Variants in LOXL2 observed in about 807,000 individuals in gnomAD.
The protein encoded by LOXL2 is lysyl oxidase homolog 2.
Under a neutral mutation model 93.0 loss-of-function variants are expected in LOXL2, and 70 were observed. The ratio of observed to expected loss-of-function variants is 0.75; its 90% CI spans 0.62 to 0.92. LOXL2 has a LOEUF of 0.92. LOXL2 is among the 40% of genes least tolerant of loss of function. The pLI is 0.00. For synonymous variants in LOXL2, 438 were observed against 413.2 expected (o/e 1.06, Z -0.73); for missense variants, 973 against 1,054.9 (o/e 0.92, Z 1.08).
intron 10 of LOXL2, among the ~76,000 whole-genome samples, chr8:23,303,877 A>T (rs1285998246): frequency 6.6e-6 from 1 of 152,264 alleles, no homozygotes; most frequent in Non-Finnish European, 1.5e-5. Flanking sequence ...AAGCATGATT[A>T]AGGGGGAGCA....
chr8:23,342,526 G>C (rs566223305), intron 3 of LOXL2, among the ~76,000 whole-genome samples: 1 of 151,624 alleles, frequency 6.6e-6, no homozygotes, highest in Admixed American at 6.6e-5. Context: ...CCGCCTCCCG[G>C]GTTCACGCCA....
In LOXL2 at chr8:23,368,197, T is replaced by G. The variant is rs368172373; in HGVS notation, c.155A>C (p.Asn52Thr). Residue 52 changes from asparagine to threonine, a missense_variant, in exon 2 of 14, where the codon AAC (asparagine) becomes ACC (threonine). Physicochemically the swap from Asn to Thr is moderately conservative, Grantham distance 65. Transcript: ENST00000389131. ...CAGGCGCAGCTGAATCTTGGCCACG[T>G]TGGCGGGGGCCTGGGGCTGGTGATA... ...PEYHQPQAPA[N>T]VAKIQLRLAG... The G allele has an allele frequency of 1.1e-5, 17 of 1,614,068 alleles. No homozygotes were observed. The highest frequency in any genetic ancestry group is 1.4e-5 in the Non-Finnish European group (17 of 1,180,036).
At chr8:23,390,733 C>A (rs1414707441) in intron 1 of LOXL2, among the ~76,000 whole-genome samples, 1 of 152,186 alleles carries the variant, frequency 6.6e-6, no homozygotes, top group Non-Finnish European at 1.5e-5. Flanking sequence ...CTCTTCTCTG[C>A]AGCTCATAAA....
intron 1 of LOXL2, among the ~76,000 whole-genome samples, chr8:23,385,595 T>C (rs1804748069): frequency 6.6e-6 from 1 of 152,076 alleles, no homozygotes; most frequent in South Asian, 2.1e-4. Context: ...AGAACTTATA[T>C]TTATTAATCA....
chr8:23,368,195 C>A lies in LOXL2; in HGVS notation c.157G>T (p.Val53Leu), dbSNP rs138503568. 2.0e-3 allele frequency: 3,282 copies of A among 1,614,024 alleles called. 28 individuals are homozygous for A. Among genetic ancestry groups the A allele is most frequent in the South Asian group, 0.012 (1,118 of 91,082 alleles). Residue 53 changes from valine to leucine, a missense_variant, in exon 2 of 14, where the codon GTG (valine) becomes TTG (leucine). Val to Leu is a conservative substitution (Grantham distance 32). Coordinates refer to ENST00000389131, the MANE Select transcript of LOXL2 (RefSeq NM_002318.3). Reference sequence around the variant, plus strand: ...GCCAGGCGCAGCTGAATCTTGGCCACGTTGGCGGGGGCCTGGGGCTGGTGA... The same window carrying A: ...GCCAGGCGCAGCTGAATCTTGGCCAAGTTGGCGGGGGCCTGGGGCTGGTGA... ...EYHQPQAPANVAKIQLRLAGQ... is the reference protein window; with the variant it reads ...EYHQPQAPANLAKIQLRLAGQ...
At chr8:23,345,806 C>T (rs556279276) in intron 3 of LOXL2, among the ~76,000 whole-genome samples, 11 of 152,060 alleles carry the variant, frequency 7.2e-5, no homozygotes, top group Non-Finnish European at 1.6e-4. Flanking sequence ...CAGTGGCTCA[C>T]GCCTGTAATC....
intron 1 of LOXL2, among the ~76,000 whole-genome samples, chr8:23,374,664 T>C (rs559757595): frequency 6.6e-6 from 1 of 152,372 alleles, no homozygotes; most frequent in Non-Finnish European, 1.5e-5. Flanking sequence ...AGATGGTATC[T>C]CATTGTGGTT....
At chr8:23,394,905 AT>A (rs1488886404) in intron 1 of LOXL2, among the ~76,000 whole-genome samples, 1 of 152,230 alleles carries the variant, frequency 6.6e-6, no homozygotes, top group Non-Finnish European at 1.5e-5. Context: ...CGGTATGCCC[AT>A]ACAATAGAAT....
chr8:23,302,030 G>C lies in LOXL2; in HGVS notation c.2130C>G (p.Phe710Leu). ...AACCCCTTCCCACCCACCTCACCTG[G>C]AACAGGTAGTCTCCAGGGGGCACGT... ...ITDVPPGDYL[F>L]QVVINPNFEV... Residue 710 changes from phenylalanine (F) to leucine (L), a missense_variant, in exon 12 of 14, where the codon TTC (phenylalanine) becomes TTG (leucine). Physicochemically the swap from Phe to Leu is conservative, Grantham distance 22 (BLOSUM62 0). Transcript: ENST00000389131. 1 of 1,614,078 alleles carries C rather than the reference G, an allele frequency of 6.2e-7. No homozygotes were observed. Among genetic ancestry groups the C allele is most frequent in the South Asian group, 1.1e-5 (1 of 91,076 alleles).
intron 3 of LOXL2, among the ~76,000 whole-genome samples, chr8:23,356,535 T>A (rs1033765617): frequency 2.0e-5 from 3 of 152,180 alleles, no homozygotes; most frequent in African/African-American, 7.2e-5. Context: ...GATGCAAGAA[T>A]CTTCTGGCAA....
Position 23,320,015 on chromosome 8 carries a change from C to A in LOXL2, c.1340G>T (p.Arg447Leu). The change falls in exon 8 of 14, where the codon CGA (arginine) becomes CTA (leucine). Residue 447 changes from arginine (R) to leucine (L), a missense_variant. Transcript: ENST00000389131. ...LNGGRNPYEG[R>L]VEVLVERNGS... ...GTTTCTCTCCACCAGCACCTCCACT[C>A]GGCCCTCGTAGGGATTGCGGCCGCC... The A allele has an allele frequency of 6.2e-7, 1 of 1,614,110 alleles. No homozygotes were observed. Among genetic ancestry groups the A allele is most frequent in the East Asian group, 2.2e-5 (1 of 44,878 alleles).
intron 10 of LOXL2, among the ~76,000 whole-genome samples, chr8:23,307,502 A>G (rs886802435): frequency 2.0e-5 from 3 of 152,196 alleles, no homozygotes; most frequent in African/African-American, 7.2e-5. Flanking sequence ...GGGTCTCCAG[A>G]TCAGAAGAAC....
chr8:23,372,365 G>A (rs1804510140), intron 1 of LOXL2, among the ~76,000 whole-genome samples: 1 of 151,988 alleles, frequency 6.6e-6, no homozygotes, highest in African/African-American at 2.4e-5. Context: ...TTCCAGGCAT[G>A]TACCACCACG....
At chr8:23,349,460 A>C (rs930702869) in intron 3 of LOXL2, among the ~76,000 whole-genome samples, 4 of 151,954 alleles carry the variant, frequency 2.6e-5, no homozygotes, top group African/African-American at 9.7e-5. Context: ...GCTGTGTGAG[A>C]CCCTAAAAGG....
chr8:23,366,777 C>T (rs1258747733), intron 2 of LOXL2, among the ~76,000 whole-genome samples: 1 of 152,206 alleles, frequency 6.6e-6, no homozygotes, highest in African/African-American at 2.4e-5. Context: ...CTTTGCCTGG[C>T]TGACCCAGAG....
intron 7 of LOXL2, among the ~76,000 whole-genome samples, chr8:23,320,479 G>C (rs548526926): frequency 1.4e-4 from 21 of 152,308 alleles, no homozygotes; most frequent in Non-Finnish European, 2.6e-4. Context: ...TGGCTCTCCT[G>C]CTGGTCTGAG....
intron 3 of LOXL2, among the ~76,000 whole-genome samples, chr8:23,346,902 C>T (rs942916088): frequency 3.9e-5 from 6 of 152,192 alleles, no homozygotes; most frequent in African/African-American, 7.2e-5. Flanking sequence ...AACATCTCAA[C>T]GAGAATGCAT....
intron 12 of LOXL2, 54 bp from the exon 13 acceptor site, chr8:23,299,001 C>CCCAG (rs1420641840): frequency 7.4e-6 from 8 of 1,075,304 alleles, no homozygotes; most frequent in Non-Finnish European, 1.2e-5. Flanking sequence ...GCCACCTCCA[C>CCCAG]CCAGGCCTGG....
chr8:23,351,439 C>G (rs1368641286), intron 3 of LOXL2, among the ~76,000 whole-genome samples: 3 of 152,224 alleles, frequency 2.0e-5, no homozygotes, highest in Non-Finnish European at 4.4e-5. Flanking sequence ...TCATTCACCT[C>G]TCTCTTCTCC....
Sources: allele counts gnomAD v4.1 joint callset (sites outside exome capture counted in the v4.1 genomes callset), GRCh38; gene constraint gnomAD v4.1.1; transcripts MANE v1.5; gene names NCBI Gene and HGNC (gene_info 2026-07-23, HGNC 2026-07-21).